MAPKAP1: variants seen among roughly 807,000 people sequenced by gnomAD.
MAPKAP1 encodes the protein target of rapamycin complex 2 subunit MAPKAP1.
In MAPKAP1, 20 loss-of-function variants were observed where a neutral mutation model predicts 65.7. That is an observed-to-expected ratio of 0.30 (90% CI 0.21 to 0.44). The LOEUF (loss-of-function observed/expected upper bound fraction) is 0.44, where lower values mean the gene tolerates loss of function less well. MAPKAP1 is among the 20% of genes least tolerant of loss of function. MAPKAP1 has a pLI of 1.00. For missense variants in MAPKAP1, 423 were observed against 648.0 expected, an observed-to-expected ratio of 0.65 and a Z score of 3.77; for synonymous variants, 222 against 244.3, an observed-to-expected ratio of 0.91 and a Z score of 0.85.
At chr9:125,704,059 C>T (rs1835687275) in intron 1 of MAPKAP1, among the ~76,000 whole-genome samples, 1 of 152,180 alleles carries the variant, frequency 6.6e-6, no homozygotes, top group Non-Finnish European at 1.5e-5. Context: ...CTCGTGATCC[C>T]TCCTGTCTCA....
chr9:125,565,232 GGCCA>G (rs1441969240), intron 5 of MAPKAP1: 1 of 152,014 alleles, frequency 6.6e-6, no homozygotes, highest in Non-Finnish European at 1.5e-5. Flanking sequence ...TATGTTCAAA[GGCCA>G]GTATAGCTTT....
chr9:125,582,121 T>G (rs1831643968), intron 5 of MAPKAP1, among the ~76,000 whole-genome samples: 1 of 152,230 alleles, frequency 6.6e-6, no homozygotes, highest in South Asian at 2.1e-4. Flanking sequence ...TCTCTTGAAT[T>G]GTGACCAGCC....
At chr9:125,514,651 C>T (rs1453846530) in intron 7 of MAPKAP1, among the ~76,000 whole-genome samples, 1 of 152,016 alleles carries the variant, frequency 6.6e-6, no homozygotes, top group Non-Finnish European at 1.5e-5. Flanking sequence ...GAAGCTTGGC[C>T]CAGATTGTTG....
At position 125,557,882 on chromosome 9, in the gene MAPKAP1, A is replaced by C. The variant is rs181816807; in HGVS notation, c.848+1751T>G. 2.5e-3 allele frequency among the ~76,000 whole-genome samples: 387 copies of C among 152,256 alleles called. 2 individuals are homozygous for C. Among genetic ancestry groups the C allele is most frequent in the African/African-American group, 8.2e-3 (342 of 41,562 alleles). On this transcript the variant is annotated intron_variant, in intron 6 of 11. Transcript: ENST00000265960. ...TTTATAATTTATTATTTTTAGATGG[A>C]GTCTCACTTTGTCGCCCAGGCTGGA... is the stretch of plus-strand genomic sequence containing the variant.
intron 6 of MAPKAP1, among the ~76,000 whole-genome samples, chr9:125,550,577 G>C (rs1376626475): frequency 6.6e-6 from 1 of 152,208 alleles, no homozygotes; most frequent in African/African-American, 2.4e-5. Context: ...TATTTAGCTT[G>C]TCTGACCTTT....
At chr9:125,525,509 A>G (rs1238771961) in intron 7 of MAPKAP1, among the ~76,000 whole-genome samples, 1 of 151,948 alleles carries the variant, frequency 6.6e-6, no homozygotes, top group East Asian at 1.9e-4. Flanking sequence ...TTCCTTCTCT[A>G]CTAAAAATAC....
chr9:125,458,961 G>A (rs1386951737), intron 10 of MAPKAP1, among the ~76,000 whole-genome samples: 133 of 90,370 alleles, frequency 1.5e-3, no homozygotes, highest in Admixed American at 2.9e-3. Context: ...GGGCGGAGAC[G>A]CTCCTCACTT....
intron 10 of MAPKAP1, among the ~76,000 whole-genome samples, chr9:125,456,928 C>T (rs1454219154): frequency 6.6e-6 from 1 of 151,930 alleles, no homozygotes; most frequent in Non-Finnish European, 1.5e-5. Context: ...TGTTTTGTGG[C>T]AATAGATAAG....
chr9:125,475,586 G>A (rs1310534438), intron 9 of MAPKAP1, among the ~76,000 whole-genome samples: 2 of 152,304 alleles, frequency 1.3e-5, no homozygotes, highest in Non-Finnish European at 2.9e-5. Flanking sequence ...GCCTGGACAC[G>A]AACGAACGCA....
At chr9:125,496,587 G>A (rs1170515046) in intron 8 of MAPKAP1, among the ~76,000 whole-genome samples, 1 of 152,172 alleles carries the variant, frequency 6.6e-6, no homozygotes, top group Non-Finnish European at 1.5e-5. Flanking sequence ...AAGCAGCATG[G>A]AACCACCAGG....
chr9:125,600,397 T>C (rs1832268546), intron 4 of MAPKAP1, among the ~76,000 whole-genome samples: 1 of 152,146 alleles, frequency 6.6e-6, no homozygotes, highest in African/African-American at 2.4e-5. Context: ...CCTTGAGCTG[T>C]GCAGCCTTGG....
intron 7 of MAPKAP1, among the ~76,000 whole-genome samples, chr9:125,521,276 C>CG (rs994455008): frequency 5.4e-4 from 76 of 140,650 alleles, no homozygotes; most frequent in Non-Finnish European, 3.5e-4. Flanking sequence ...AGGTCCCCTA[C>CG]TATTTGTAAA....
chr9:125,675,373 C>T (rs1834614255), intron 1 of MAPKAP1, among the ~76,000 whole-genome samples: 1 of 152,070 alleles, frequency 6.6e-6, no homozygotes, highest in Admixed American at 6.6e-5. Flanking sequence ...ACTGAAGTGC[C>T]CTCAATAAAA....
chr9:125,445,510 A>G (rs1182217585), intron 10 of MAPKAP1, among the ~76,000 whole-genome samples: 1 of 152,222 alleles, frequency 6.6e-6, no homozygotes, highest in East Asian at 1.9e-4. Context: ...TTCTAGGCGC[A>G]CTTCTTGTGT....
chr9:125,556,093 T>A (rs1830727106), intron 6 of MAPKAP1, among the ~76,000 whole-genome samples: 1 of 152,246 alleles, frequency 6.6e-6, no homozygotes. Context: ...AACACTAAGA[T>A]GATGCGTACA....
At chr9:125,605,345 T>C (rs1187834817) in intron 4 of MAPKAP1, among the ~76,000 whole-genome samples, 1 of 152,230 alleles carries the variant, frequency 6.6e-6, no homozygotes, top group African/African-American at 2.4e-5. Flanking sequence ...CATTCCTTCC[T>C]GAAGGAACCT....
At chr9:125,444,399 C>G (rs1852617630) in intron 11 of MAPKAP1, 102 bp downstream of exon 11, 3 of 909,524 alleles carry the variant, frequency 3.3e-6, no homozygotes, top group Non-Finnish European at 5.1e-6. Context: ...CGGGAACCTT[C>G]TATAGAGCTG....
At chr9:125,652,228 C>A in intron 4 of MAPKAP1, 1 of 1,303,794 alleles carries the variant, frequency 7.7e-7, no homozygotes. Flanking sequence ...AACATTTGTT[C>A]ATAATTATCC....
intron 4 of MAPKAP1, among the ~76,000 whole-genome samples, chr9:125,585,949 GAA>G: frequency 6.6e-6 from 1 of 152,286 alleles, no homozygotes; most frequent in African/African-American, 2.4e-5. Context: ...CTGCCAGCAG[GAA>G]GGTAAATGGG....
Sources: allele counts gnomAD v4.1 joint callset (sites outside exome capture counted in the v4.1 genomes callset), GRCh38; gene constraint gnomAD v4.1.1; transcripts MANE v1.5; gene names NCBI Gene and HGNC (gene_info 2026-07-23, HGNC 2026-07-21).